The following NUFIP1 variants were observed in gnomAD, a reference collection of about 807,000 sequenced individuals.
NUFIP1 encodes nuclear FMR1 interacting protein 1.
A neutral mutation model predicts 56.2 loss-of-function variants in NUFIP1; 38 were observed. The ratio of observed to expected loss-of-function variants is 0.68; its 90% confidence interval spans 0.52 to 0.89. The LOEUF (loss-of-function observed/expected upper bound fraction) is 0.89, where lower values mean the gene tolerates loss of function less well. NUFIP1 is among the 40% of genes least tolerant of loss of function. NUFIP1 has a pLI of 0.00. For missense variants in NUFIP1, 567 were observed against 605.8 expected, an observed-to-expected ratio of 0.94 and a Z score of 0.67; for synonymous variants, 215 against 212.4, an observed-to-expected ratio of 1.01 and a Z score of -0.10.
At chr13:44,950,144 C>T (rs1040548021) in intron 7 of NUFIP1, among the ~76,000 whole-genome samples, 2 of 152,194 alleles carry the variant, frequency 1.3e-5, no homozygotes, top group East Asian at 3.9e-4. Flanking sequence ...ATAGTCTTTG[C>T]TGTTCATTTA....
intron 5 of NUFIP1, among the ~76,000 whole-genome samples, chr13:44,977,003 C>T (rs1164067176): frequency 1.3e-5 from 2 of 152,236 alleles, no homozygotes; most frequent in Non-Finnish European, 2.9e-5. Flanking sequence ...CCTCTCAACA[C>T]TGCCACACTG....
At chr13:44,968,759 A>G (rs1457363393) in intron 5 of NUFIP1, among the ~76,000 whole-genome samples, 1 of 152,216 alleles carries the variant, frequency 6.6e-6, no homozygotes, top group Non-Finnish European at 1.5e-5. Flanking sequence ...ATGTTGGGCT[A>G]TATGTTACAT....
chr13:44,989,257 C>T lies in NUFIP1; in HGVS notation c.180G>A (p.Lys60=), dbSNP rs1292427625. ...TGGGGGGCTGCGACTCAGAGGAAGG[C>T]TTTGACCCGGCTGCGGGAAGCGAGG... ...LTSSLPAAGS[K]PSSESQPPME... is the part of the protein sequence containing the mutation. Residue 60 remains lysine (K), a synonymous_variant, in exon 1 of 10, where the codon AAG becomes AAA. Transcript: ENST00000379161. 1 of 1,613,212 alleles carries T rather than the reference C, an allele frequency of 6.2e-7. No homozygotes were observed. Among genetic ancestry groups the T allele is most frequent in the Non-Finnish European group, 8.5e-7 (1 of 1,179,770 alleles).
intron 4 of NUFIP1, 113 bp downstream of exon 4, chr13:44,979,777 A>C (rs1872120034): frequency 1.5e-6 from 1 of 653,018 alleles, no homozygotes; most frequent in Admixed American, 3.6e-5. Flanking sequence ...AAATCCTTAC[A>C]AAGTACTCCA....
intron 2 of NUFIP1, among the ~76,000 whole-genome samples, chr13:44,981,434 T>C (rs564318159): frequency 6.5e-4 from 99 of 152,198 alleles, no homozygotes; most frequent in Non-Finnish European, 1.3e-3. Flanking sequence ...CAGTCAATAG[T>C]AGACCATTAG....
intron 8 of NUFIP1, 89 bp from the exon 9 acceptor site, chr13:44,943,763 T>C: frequency 6.5e-6 from 6 of 926,524 alleles, no homozygotes; most frequent in Admixed American, 4.8e-5. Context: ...TCCATAATAA[T>C]CCTCCTAGCC....
intron 7 of NUFIP1, among the ~76,000 whole-genome samples, chr13:44,951,835 C>T (rs188110096): frequency 6.6e-6 from 1 of 152,256 alleles, no homozygotes; most frequent in Admixed American, 6.5e-5. Context: ...TATTTCATTG[C>T]TAAAAAATGC....
Position 44,979,969 on chromosome 13 carries a change from GAA to G in NUFIP1, c.595-19_595-18del. 6.8e-7 allele frequency: 1 copy of G among 1,460,254 alleles called. No individual in the cohort carries two copies. The highest frequency in any genetic ancestry group is 9.2e-7 in the Non-Finnish European group (1 of 1,082,464). The allele number at this position is 1,460,254 out of a possible 1,614,324, so 90.5% of individuals were successfully genotyped here. A position where few individuals can be genotyped will look rare whatever the true frequency, so the allele number is the denominator to read the frequency against. The stretch of plus-strand genomic sequence containing the variant: ...TTCAGGGCACTATGAGTTTTTAAAA[GAA>G]AAAAAAAACTATTTAACAAATGTTT... On this transcript the variant is annotated intron_variant, in intron 3 of 9. Transcript: ENST00000379161.
intron 6 of NUFIP1, among the ~76,000 whole-genome samples, chr13:44,961,182 T>C (rs1045828758): frequency 8.6e-5 from 13 of 151,848 alleles, no homozygotes; most frequent in African/African-American, 3.1e-4. Context: ...TAACACAAGG[T>C]ATTCATTGGT....
chr13:44,958,413 A>T (rs1428500722), intron 7 of NUFIP1, among the ~76,000 whole-genome samples: 1 of 152,188 alleles, frequency 6.6e-6, no homozygotes, highest in Non-Finnish European at 1.5e-5. Context: ...TAAGTGCCTT[A>T]TTCAGTGTTA....
chr13:44,966,003 A>C (rs1331249313), intron 5 of NUFIP1, 67 bp from the exon 6 acceptor site: 1 of 856,522 alleles, frequency 1.2e-6, no homozygotes, highest in East Asian at 3.1e-5. Flanking sequence ...GCAATCAAGC[A>C]ATTGCTGAAT....
intron 1 of NUFIP1, among the ~76,000 whole-genome samples, chr13:44,986,430 G>A (rs771697472): frequency 6.6e-6 from 1 of 152,138 alleles, no homozygotes; most frequent in Non-Finnish European, 1.5e-5. Context: ...AGTGGCTCAC[G>A]CCTATAATCC....
rs930944644 is a variant in NUFIP1 at position 44,979,651 on chromosome 13, G to C, written c.657+239C>G. Among the ~76,000 whole-genome samples the C allele has an allele frequency of 4.6e-5, 7 of 152,260 alleles. No individual in the cohort carries two copies. The Middle Eastern group carries it at 0.01, about 223-fold the overall frequency. ...GTATACAATTTGGAGTCAAGAAACT[G>C]AGGTCCAAGAATCAATTCTCAGGCC... On this transcript the variant is annotated intron_variant, in intron 4 of 9. Transcript: ENST00000379161.
At chr13:44,982,192 TA>T in intron 1 of NUFIP1, 38 bp from the exon 2 acceptor site, 1 of 993,154 alleles carries the variant, frequency 1.0e-6, no homozygotes, top group South Asian at 2.6e-5. Flanking sequence ...TGCAACAATG[TA>T]ATTATTTAAA....
chr13:44,989,354 C>T lies in NUFIP1; in HGVS notation c.83G>A (p.Ser28Asn). ...GCTGTCCCGCGGCGGGGCAGTGTCG[C>T]TCAGGGGCCCTAACGTGGGAGTCAG... ...PELTPTLGPL[S>N]DTAPPRDSWM... Residue 28 changes from serine (S) to asparagine (N), a missense_variant, in exon 1 of 10, where the codon AGC becomes AAC. Ser to Asn is a conservative substitution (Grantham distance 46). Transcript: ENST00000379161. 1 of 1,613,204 alleles carries T rather than the reference C, an allele frequency of 6.2e-7. No individual in the cohort carries two copies.
At chr13:44,956,811 C>T (rs540679378) in intron 7 of NUFIP1, among the ~76,000 whole-genome samples, 1 of 152,124 alleles carries the variant, frequency 6.6e-6, no homozygotes, top group African/African-American at 2.4e-5. Context: ...ATCCCCGCTC[C>T]CCCCTGGGGT....
chr13:44,976,128 G>GA (rs1314815666), intron 5 of NUFIP1, among the ~76,000 whole-genome samples: 1 of 152,042 alleles, frequency 6.6e-6, no homozygotes, highest in African/African-American at 2.4e-5. Flanking sequence ...AGTAGTAGGG[G>GA]GAAAAAACCT....
intron 7 of NUFIP1, among the ~76,000 whole-genome samples, chr13:44,956,093 G>A (rs1466315951): frequency 4.1e-5 from 6 of 145,682 alleles, no homozygotes; most frequent in Admixed American, 6.9e-5. Context: ...GCAGTGAGCC[G>A]AGATTGCGCC....
chr13:44,980,704 AC>A lies in NUFIP1; in HGVS notation c.594+17del. ...GCACAATTGCTACATCAGTTTCAGG[AC>A]AACTAAGAAAACCTACTTTTGTATG... On this transcript the variant is annotated intron_variant, in intron 3 of 9. Transcript: ENST00000379161. The A allele has an allele frequency of 6.6e-7, 1 of 1,509,906 alleles. No individual in the cohort carries two copies. The highest frequency in any genetic ancestry group is 9.1e-7 in the Non-Finnish European group (1 of 1,101,184). The allele number at this position is 1,509,906 out of a possible 1,614,324, so 93.5% of individuals were successfully genotyped here.
Sources: gnomAD v4.1 joint callset for allele counts (sites outside exome capture counted in the v4.1 genomes callset) on GRCh38, gnomAD v4.1.1 for gene constraint, MANE v1.5 for transcripts, NCBI Gene and HGNC (gene_info 2026-07-23, HGNC 2026-07-21) for gene names.